The following SUPT3H variants were observed in gnomAD, a reference collection of about 807,000 sequenced individuals.
The protein encoded by SUPT3H is SPT3 homolog, SAGA and STAGA complex component, also known as transcription initiation protein SPT3 homolog.
Under a neutral mutation model 44.3 loss-of-function variants are expected in SUPT3H, and 44 were observed. The ratio of observed to expected loss-of-function variants is 0.99; its 90% CI spans 0.78 to 1.28. The LOEUF is 1.28. SUPT3H is among the 50% of genes most tolerant of loss of function. SUPT3H has a pLI of 0.00. For synonymous variants in SUPT3H, 124 were observed against 125.6 expected, an observed-to-expected ratio of 0.99 and a Z score of 0.09; for missense variants, 380 against 387.1, an observed-to-expected ratio of 0.98 and a Z score of 0.15.
chr6:44,932,700 CCT>C lies in SUPT3H; in HGVS notation c.863_864del (p.Glu288GlyfsTer32). The C allele has an allele frequency of 1.2e-6, 2 of 1,611,672 alleles. No individual in the cohort carries two copies. The highest frequency in any genetic ancestry group is 2.2e-5 in the East Asian group (1 of 44,628). ...SDAIQPCHIR[E>X]AIRRYSHRIG... ...ATCCTGTGGCTGTAGCGTCGAATGGCCTCTCTGATGTGGCAGGGCTGGATGGC... is the reference window on the plus strand; with the variant it reads ...ATCCTGTGGCTGTAGCGTCGAATGGCCTCTGATGTGGCAGGGCTGGATGGC... On this transcript the variant is annotated frameshift_variant, in exon 10 of 11. Transcript: ENST00000371459. LOFTEE classifies it high-confidence loss of function.
At chr6:45,194,316 A>G (rs72857008) in intron 2 of SUPT3H, among the ~76,000 whole-genome samples, 2,206 of 152,268 alleles carry the variant, frequency 0.014, 25 homozygotes, top group South Asian at 0.026. Flanking sequence ...AGAAAAAAAA[A>G]TCAACTCAAA....
intron 10 of SUPT3H, among the ~76,000 whole-genome samples, chr6:44,906,251 T>C (rs1383546293): frequency 1.3e-5 from 2 of 152,156 alleles, no homozygotes; most frequent in African/African-American, 4.8e-5. Context: ...TGTTAATGAA[T>C]GCAAAGAGAT....
chr6:45,142,875 G>A (rs761253925), intron 2 of SUPT3H, among the ~76,000 whole-genome samples: 18 of 149,340 alleles, frequency 1.2e-4, no homozygotes, highest in Non-Finnish European at 2.2e-4. Context: ...GATATTTCAC[G>A]CAAATGGAAA....
At chr6:44,853,828 T>C (rs952728333) in intron 10 of SUPT3H, among the ~76,000 whole-genome samples, 3 of 152,046 alleles carry the variant, frequency 2.0e-5, no homozygotes, top group Non-Finnish European at 4.4e-5. Flanking sequence ...GTAAGAGTGA[T>C]AAGAACTACT....
chr6:45,340,598 A>G (rs570818751), intron 2 of SUPT3H, among the ~76,000 whole-genome samples: 3 of 152,234 alleles, frequency 2.0e-5, no homozygotes, highest in East Asian at 3.9e-4. Flanking sequence ...TGCTGAGATT[A>G]TAAGCATAAG....
chr6:45,239,082 T>C (rs12527743), intron 2 of SUPT3H, among the ~76,000 whole-genome samples: 17,044 of 152,236 alleles, frequency 0.11, 1,354 homozygotes, highest in East Asian at 0.26. Context: ...ATGCGGAGCT[T>C]GTAGCTGTAA....
At chr6:44,922,393 A>C (rs1453817610) in intron 10 of SUPT3H, among the ~76,000 whole-genome samples, 1 of 152,234 alleles carries the variant, frequency 6.6e-6, no homozygotes, top group African/African-American at 2.4e-5. Context: ...TCTGGGATTA[A>C]CTTTGCAGCT....
chr6:44,848,214 C>T (rs189130211), intron 10 of SUPT3H, among the ~76,000 whole-genome samples: 9 of 152,114 alleles, frequency 5.9e-5, no homozygotes, highest in Non-Finnish European at 1.2e-4. Flanking sequence ...AAGTGATCCA[C>T]CTGTCTCAGC....
At chr6:45,152,673 G>A (rs1205836888) in intron 2 of SUPT3H, among the ~76,000 whole-genome samples, 4 of 151,926 alleles carry the variant, frequency 2.6e-5, no homozygotes, top group African/African-American at 4.8e-5. Context: ...GTTATTTTTC[G>A]GAGAGACGGG....
intron 2 of SUPT3H, among the ~76,000 whole-genome samples, chr6:45,305,368 T>C (rs1207296364): frequency 2.0e-5 from 3 of 152,236 alleles, no homozygotes; most frequent in Admixed American, 6.5e-5. Flanking sequence ...ACATATAAAA[T>C]GAATGGTCGT....
At chr6:44,881,454 C>T (rs1778208423) in intron 10 of SUPT3H, among the ~76,000 whole-genome samples, 1 of 152,126 alleles carries the variant, frequency 6.6e-6, no homozygotes, top group Admixed American at 6.6e-5. Context: ...CTTTAACACC[C>T]CACTGTCAAT....
chr6:45,377,702 T>A (rs969071104), intron 1 of SUPT3H, 66 bp downstream of exon 1: 9 of 152,068 alleles, frequency 5.9e-5, no homozygotes, highest in Admixed American at 5.2e-4. Flanking sequence ...CCGCTCTGCG[T>A]CCCTCCCGGC....
chr6:45,239,084 T>C (rs1237844161), intron 2 of SUPT3H, among the ~76,000 whole-genome samples: 1 of 152,234 alleles, frequency 6.6e-6, no homozygotes, highest in Non-Finnish European at 1.5e-5. Context: ...GCGGAGCTTG[T>C]AGCTGTAATT....
intron 2 of SUPT3H, among the ~76,000 whole-genome samples, chr6:45,300,078 T>C (rs1781913208): frequency 6.6e-6 from 1 of 152,176 alleles, no homozygotes; most frequent in African/African-American, 2.4e-5. Context: ...TTTCTTACAC[T>C]GAAACTATGT....
intron 10 of SUPT3H, among the ~76,000 whole-genome samples, chr6:44,859,276 G>A (rs1279408835): frequency 2.6e-5 from 4 of 152,148 alleles, no homozygotes; most frequent in Non-Finnish European, 4.4e-5. Flanking sequence ...TAAGGCAAAT[G>A]CTCACAGAAG....
At chr6:44,817,128 G>A (rs1242259386) in intron 11 of SUPT3H, among the ~76,000 whole-genome samples, 1 of 108,202 alleles carries the variant, frequency 9.2e-6, no homozygotes, top group Non-Finnish European at 2.1e-5. Flanking sequence ...ACACACACAT[G>A]CCCACACACA....
chr6:44,915,005 G>C (rs1270257932), intron 10 of SUPT3H, among the ~76,000 whole-genome samples: 1 of 152,146 alleles, frequency 6.6e-6, no homozygotes, highest in Non-Finnish European at 1.5e-5. Context: ...ACCATGCCCT[G>C]TATCACCAGG....
chr6:44,949,430 T>C (rs1056252947), intron 9 of SUPT3H, among the ~76,000 whole-genome samples: 1 of 151,042 alleles, frequency 6.6e-6, no homozygotes, highest in Non-Finnish European at 1.5e-5. Flanking sequence ...AAGCGGAATA[T>C]TGTCAAAAAA....
intron 3 of SUPT3H, among the ~76,000 whole-genome samples, chr6:45,066,070 TG>T (rs1793247510): frequency 7.5e-6 from 1 of 133,006 alleles, no homozygotes; most frequent in South Asian, 2.8e-4. Context: ...AATAAAATAC[TG>T]GCAAAACGAA....
Sources: allele counts gnomAD v4.1 joint callset (sites outside exome capture counted in the v4.1 genomes callset), GRCh38; gene constraint gnomAD v4.1.1; transcripts MANE v1.5; gene names NCBI Gene and HGNC (gene_info 2026-07-23, HGNC 2026-07-21).